Variants in KIAA1549 observed in about 807,000 individuals in gnomAD.
KIAA1549 encodes the protein KIAA1549.
KIAA1549 carries 70 observed loss-of-function variants against 156.4 expected under a neutral mutation model. The observed-to-expected ratio is 0.45, with a 90% CI of 0.37 to 0.55. The LOEUF is 0.55. KIAA1549 is among the 20% of genes least tolerant of loss of function. The probability of loss-of-function intolerance (pLI) is 0.00; values close to 1 mark genes in which losing one functional copy is unlikely to be tolerated. For missense variants in KIAA1549, 2,428 were observed against 2,540.9 expected (o/e 0.96, Z 0.96); for synonymous variants, 1,103 against 1,066.4 (o/e 1.03, Z -0.67).
At chr7:138,919,701 A>C (rs1812501745) in intron 1 of KIAA1549, among the ~76,000 whole-genome samples, 1 of 152,080 alleles carries the variant, frequency 6.6e-6, no homozygotes, top group Non-Finnish European at 1.5e-5. Flanking sequence ...GCATATTTAC[A>C]GTTTTTCCCA....
At chr7:138,888,449 C>T (rs1049375999) in intron 10 of KIAA1549, among the ~76,000 whole-genome samples, 1 of 152,200 alleles carries the variant, frequency 6.6e-6, no homozygotes, top group African/African-American at 2.4e-5. Flanking sequence ...TGGTCCATGA[C>T]CCCTTTCTCT....
intron 12 of KIAA1549, among the ~76,000 whole-genome samples, chr7:138,875,740 AAG>A (rs2130394089): frequency 6.6e-6 from 1 of 152,362 alleles, no homozygotes; most frequent in African/African-American, 2.4e-5. Context: ...ATGACAAAGC[AAG>A]AGAGCATTTT....
chr7:138,908,396 T>C (rs879465058), intron 5 of KIAA1549, among the ~76,000 whole-genome samples: 1 of 152,160 alleles, frequency 6.6e-6, no homozygotes, highest in African/African-American at 2.4e-5. Flanking sequence ...AGGGATTGCA[T>C]AACATAATGG....
chr7:138,832,206 T>TTTTTTTTTTTTTTTTG lies in KIAA1549; in HGVS notation c.*5699_*5700insCAAAAAAAAAAAAAAA. On this transcript the variant is annotated 3_prime_UTR_variant, in exon 20 of 20. Coordinates refer to ENST00000422774, the MANE Select transcript of KIAA1549 (RefSeq NM_001164665.2). ...TTACCTATTCCTTTTTTTTTTTTTT[T>TTTTTTTTTTTTTTTTG]TTTTTCCAGAGACAGGACCTCACCC... The TTTTTTTTTTTTTTTTG allele has an allele frequency of 4.6e-6, 1 of 216,288 alleles. No homozygotes were observed. Among genetic ancestry groups the TTTTTTTTTTTTTTTTG allele is most frequent in the Admixed American group, 5.9e-5 (1 of 17,008 alleles). 13.4% of individuals were successfully genotyped at this position (216,288 alleles called of 1,614,324 possible).
At chr7:138,840,576 A>C (rs1809885762) in intron 18 of KIAA1549, among the ~76,000 whole-genome samples, 1 of 152,148 alleles carries the variant, frequency 6.6e-6, no homozygotes, top group Non-Finnish European at 1.5e-5. Context: ...CCATTGCAAA[A>C]AAAGTCTGAA....
intron 17 of KIAA1549, among the ~76,000 whole-genome samples, chr7:138,845,619 G>A (rs1362130035): frequency 6.6e-6 from 1 of 152,086 alleles, no homozygotes; most frequent in Non-Finnish European, 1.5e-5. Context: ...TCTGTCATTT[G>A]GAACATAGTT....
At chr7:138,928,854 T>C (rs563208345) in intron 1 of KIAA1549, among the ~76,000 whole-genome samples, 1 of 152,308 alleles carries the variant, frequency 6.6e-6, no homozygotes, top group South Asian at 2.1e-4. Context: ...TATATACATA[T>C]GTAACAAACC....
intron 16 of KIAA1549, among the ~76,000 whole-genome samples, chr7:138,855,760 T>C (rs1463861927): frequency 6.6e-6 from 1 of 152,214 alleles, no homozygotes. Flanking sequence ...AAATAATTCC[T>C]GTGTCCCTAA....
chr7:138,957,364 T>C (rs1813695933), intron 1 of KIAA1549, among the ~76,000 whole-genome samples: 1 of 152,024 alleles, frequency 6.6e-6, no homozygotes. Context: ...GGCCCAGCAA[T>C]AAGGGAACAA....
At chr7:138,857,169 C>T (rs955803396) in intron 16 of KIAA1549, among the ~76,000 whole-genome samples, 3 of 152,080 alleles carry the variant, frequency 2.0e-5, no homozygotes, top group Non-Finnish European at 4.4e-5. Flanking sequence ...TGAGCCGACT[C>T]CTCATAATAA....
Position 138,894,440 on chromosome 7 carries a change from C to A in KIAA1549, c.3934G>T (p.Val1312Leu). The change falls in exon 10 of 20, where the codon GTG (valine) becomes TTG (leucine). Residue 1312 changes from valine (V) to leucine (L), a missense_variant. This residue lies in a region of KIAA1549 where 762 missense variants were observed against 901.6 expected (regional missense o/e 0.85). Transcript: ENST00000422774. Reference sequence around the variant, plus strand: ...TAGAGGATGACAACAATCACCATCACCACCAGCACTGGGATGACCACGCCA... The same window carrying A: ...TAGAGGATGACAACAATCACCATCAACACCAGCACTGGGATGACCACGCCA... ...IVGVVIPVLV[V>L]MVIVVILYWK... The A allele has an allele frequency of 6.2e-7, 1 of 1,614,038 alleles. No homozygotes were observed. The highest frequency in any genetic ancestry group is 8.5e-7 in the Non-Finnish European group (1 of 1,179,896).
At position 138,844,494 on chromosome 7, in the gene KIAA1549, G is replaced by A; in HGVS notation, c.5295-20C>T. 6.6e-7 allele frequency: 1 copy of A among 1,517,252 alleles called. No individual in the cohort carries two copies. The highest frequency in any genetic ancestry group is 1.8e-4 in the Middle Eastern group (1 of 5,582). 94.0% of individuals were successfully genotyped at this position (1,517,252 alleles called of 1,614,324 possible). A position where few individuals can be genotyped will look rare whatever the true frequency, so the allele number is the denominator to read the frequency against. On this transcript the variant is annotated intron_variant, in intron 17 of 19. Coordinates refer to ENST00000422774, the MANE Select transcript of KIAA1549 (RefSeq NM_001164665.2). ...CCTGGTCTGAAGGCAAAGCAAACCA[G>A]CACATCAGGACTCCACTGCACCCTG... is the stretch of plus-strand genomic sequence containing the variant.
chr7:138,969,981 A>G (rs1056864002), intron 1 of KIAA1549, among the ~76,000 whole-genome samples: 2 of 152,198 alleles, frequency 1.3e-5, no homozygotes. Context: ...AAACAATCCA[A>G]TTATACTAGC....
intron 1 of KIAA1549, among the ~76,000 whole-genome samples, chr7:138,959,435 G>A (rs1813772718): frequency 6.6e-6 from 1 of 152,130 alleles, no homozygotes; most frequent in Non-Finnish European, 1.5e-5. Flanking sequence ...AGGGAGTGGG[G>A]GCTTATGGCA....
intron 17 of KIAA1549, among the ~76,000 whole-genome samples, chr7:138,846,582 C>T (rs1242363571): frequency 6.6e-6 from 1 of 150,558 alleles, no homozygotes; most frequent in East Asian, 1.9e-4. Flanking sequence ...GTTTCACCCA[C>T]CATTGCTTTT....
intron 1 of KIAA1549, among the ~76,000 whole-genome samples, chr7:138,946,026 C>T (rs574302597): frequency 6.6e-6 from 1 of 152,132 alleles, no homozygotes; most frequent in African/African-American, 2.4e-5. Flanking sequence ...CCTTCCCCTT[C>T]TCTCCTCCCC....
In KIAA1549 at chr7:138,835,272, C is replaced by A. The variant is rs1408229381; in HGVS notation, c.*2634G>T. Reference sequence around the variant, plus strand: ...GGCAGGCGTCGAGAGGAAGCAAGTACAAACTGTGTGTGCTTTATGACCACC... The same window carrying A: ...GGCAGGCGTCGAGAGGAAGCAAGTAAAAACTGTGTGTGCTTTATGACCACC... On this transcript the variant is annotated 3_prime_UTR_variant, in exon 20 of 20. Coordinates refer to ENST00000422774, the MANE Select transcript of KIAA1549 (RefSeq NM_001164665.2). 1 of 215,036 alleles carries A rather than the reference C, an allele frequency of 4.7e-6. No homozygotes were observed. The highest frequency in any genetic ancestry group is 9.4e-6 in the Non-Finnish European group (1 of 106,568). 13.3% of individuals were successfully genotyped at this position (215,036 alleles called of 1,614,324 possible).
chr7:138,885,554 C>T (rs1024551095), intron 10 of KIAA1549, among the ~76,000 whole-genome samples: 3 of 152,196 alleles, frequency 2.0e-5, no homozygotes, highest in Non-Finnish European at 4.4e-5. Context: ...TTACCACCCA[C>T]AACGATGGCC....
intron 1 of KIAA1549, among the ~76,000 whole-genome samples, chr7:138,937,963 GCCA>G (rs1243673793): frequency 6.6e-6 from 1 of 152,120 alleles, no homozygotes; most frequent in Non-Finnish European, 1.5e-5. Flanking sequence ...GTCAGGAGGG[GCCA>G]CCTTTAGGAA....
Sources: gnomAD v4.1 joint callset for allele counts (sites outside exome capture counted in the v4.1 genomes callset) on GRCh38, gnomAD v4.1.1 for gene constraint, gnomAD v4.1.1 regional missense constraint, MANE v1.5 for transcripts, NCBI Gene and HGNC (gene_info 2026-07-23, HGNC 2026-07-21) for gene names.